ARMH3: variants seen among roughly 807,000 people sequenced by gnomAD.
ARMH3 encodes armadillo-like helical domain-containing protein 3.
In ARMH3, 60 loss-of-function variants were observed where a neutral mutation model predicts 99.1. That is an observed-to-expected ratio of 0.61 (90% CI 0.49 to 0.75). The LOEUF is 0.75. ARMH3 is among the 30% of genes least tolerant of loss of function. The probability of loss-of-function intolerance (pLI) is 0.00; values close to 1 mark genes in which losing one functional copy is unlikely to be tolerated. For synonymous variants in ARMH3, 285 were observed against 292.8 expected, an observed-to-expected ratio of 0.97 and a Z score of 0.27; for missense variants, 679 against 843.1, an observed-to-expected ratio of 0.81 and a Z score of 2.41.
chr10:101,870,190 T>C (rs1306381981), intron 24 of ARMH3, among the ~76,000 whole-genome samples: 4 of 152,230 alleles, frequency 2.6e-5, no homozygotes, highest in African/African-American at 9.6e-5. Flanking sequence ...GGCATCACTA[T>C]AAATCCTACA....
In ARMH3 at chr10:101,847,481, A is replaced by T. The variant is rs368830505; in HGVS notation, c.*47T>A. The T allele has an allele frequency of 2.5e-6, 4 of 1,579,436 alleles. No homozygotes were observed. In the South Asian group the frequency reaches 3.3e-5, roughly 13 times the overall value. On this transcript the variant is annotated 3_prime_UTR_variant, in exon 26 of 26. Coordinates refer to ENST00000370033, the MANE Select transcript of ARMH3 (RefSeq NM_024541.3). ...CCCCTCGCTCCCCCTCCAGCCCATG[A>T]TCCTCATGGGTAAGGGCAGTCAGAG...
chr10:101,853,624 C>T (rs568016574), intron 24 of ARMH3, among the ~76,000 whole-genome samples: 20 of 152,318 alleles, frequency 1.3e-4, no homozygotes, highest in African/African-American at 4.1e-4. Flanking sequence ...TCTACGCCCC[C>T]GCAAGCACAA....
intron 8 of ARMH3, among the ~76,000 whole-genome samples, chr10:102,015,866 G>A (rs2066737918): frequency 6.6e-6 from 1 of 152,194 alleles, no homozygotes. Flanking sequence ...GGGCACGGTG[G>A]CTCATGCCTG....
At chr10:102,014,978 A>G (rs1211600819) in intron 8 of ARMH3, among the ~76,000 whole-genome samples, 1 of 152,288 alleles carries the variant, frequency 6.6e-6, no homozygotes, top group Non-Finnish European at 1.5e-5. Flanking sequence ...TGAAAACCCA[A>G]CTGAAAGGCT....
At chr10:102,054,687 G>C (rs960255382) in intron 1 of ARMH3, among the ~76,000 whole-genome samples, 2 of 152,108 alleles carry the variant, frequency 1.3e-5, no homozygotes, top group African/African-American at 4.8e-5. Flanking sequence ...CAAAGAAAAA[G>C]CTCTCACTAA....
chr10:101,979,938 A>C (rs866888973), intron 19 of ARMH3, among the ~76,000 whole-genome samples: 3 of 152,222 alleles, frequency 2.0e-5, no homozygotes, highest in South Asian at 2.1e-4. Context: ...AAATGGCCTA[A>C]AATGCAATGT....
intron 22 of ARMH3, among the ~76,000 whole-genome samples, chr10:101,948,813 C>G (rs761187771): frequency 6.6e-6 from 1 of 151,702 alleles, no homozygotes; most frequent in Non-Finnish European, 1.5e-5. Flanking sequence ...TGGAATGGAC[C>G]ATTTACCAAG....
intron 14 of ARMH3, among the ~76,000 whole-genome samples, chr10:102,002,867 A>C (rs1229883831): frequency 1.3e-5 from 2 of 151,940 alleles, no homozygotes; most frequent in South Asian, 4.2e-4. Flanking sequence ...AAGCTGAGGC[A>C]GGAGAATTGC....
At chr10:101,909,850 C>T (rs1417250134) in intron 23 of ARMH3, among the ~76,000 whole-genome samples, 1 of 151,906 alleles carries the variant, frequency 6.6e-6, no homozygotes, top group Non-Finnish European at 1.5e-5. Flanking sequence ...ATTATGTACC[C>T]ACCAAAATTA....
chr10:101,952,620 G>A (rs1218539659), intron 22 of ARMH3: 1 of 152,144 alleles, frequency 6.6e-6, no homozygotes, highest in African/African-American at 2.4e-5. Flanking sequence ...ACTCATCAAT[G>A]GCAGTAGTAA....
At chr10:101,853,895 G>C (rs188027642) in intron 24 of ARMH3, among the ~76,000 whole-genome samples, 1 of 152,132 alleles carries the variant, frequency 6.6e-6, no homozygotes, top group South Asian at 2.1e-4. Context: ...CGGATGGATC[G>C]CGAGGTTAAG....
chr10:101,869,348 GA>G (rs1433765559), intron 24 of ARMH3, among the ~76,000 whole-genome samples: 11 of 152,114 alleles, frequency 7.2e-5, no homozygotes, highest in African/African-American at 2.2e-4. Flanking sequence ...CAACAAGATG[GA>G]CTGTACAATG....
rs552655251 is a variant in ARMH3 at position 101,980,421 on chromosome 10, C to T, written c.1407-5121G>A. Reference sequence around the variant, plus strand: ...TCAAGTGATTCTCATGCCTCAGCCTCCTAAGTAGCTCGGATTACAGATGCC... The same window carrying T: ...TCAAGTGATTCTCATGCCTCAGCCTTCTAAGTAGCTCGGATTACAGATGCC... On this transcript the variant is annotated intron_variant, in intron 19 of 25. Coordinates refer to ENST00000370033, the MANE Select transcript of ARMH3 (RefSeq NM_024541.3). Among the ~76,000 whole-genome samples, 37 of 152,250 alleles carry T rather than the reference C, an allele frequency of 2.4e-4. 1 individual carries two copies. In the South Asian group the frequency reaches 7.7e-3, roughly 32 times the overall value.
chr10:101,895,469 C>T (rs1056716350), intron 23 of ARMH3, among the ~76,000 whole-genome samples: 2 of 151,874 alleles, frequency 1.3e-5, no homozygotes, highest in Non-Finnish European at 2.9e-5. Flanking sequence ...TTAGTAGAGA[C>T]GGGGTTTCAC....
chr10:101,934,992 A>G (rs1367973916), intron 23 of ARMH3, among the ~76,000 whole-genome samples: 1 of 151,892 alleles, frequency 6.6e-6, no homozygotes, highest in Non-Finnish European at 1.5e-5. Context: ...GCAGCCCCCA[A>G]CTAAAAATCT....
chr10:101,956,574 A>G, intron 22 of ARMH3, 23 bp downstream of exon 22: 1 of 1,611,038 alleles, frequency 6.2e-7, no homozygotes. Context: ...TGGAGAGAGG[A>G]GTAAAAAGAA....
intron 25 of ARMH3, 46 bp downstream of exon 25, chr10:101,849,730 T>A (rs2066542823): frequency 6.5e-7 from 1 of 1,530,116 alleles, no homozygotes; most frequent in African/African-American, 1.4e-5. Context: ...ACCCAGTGGC[T>A]GGGGGCGGGC....
rs769542292 is a variant in ARMH3, at chr10:101,861,922, C to G, written c.1861-12030G>C. On this transcript the variant is annotated intron_variant, in intron 24 of 25. Transcript: ENST00000370033. ...AAAATTAGCCAGGCGTGGTGGTGGG[C>G]GCCTGTAGTCCCAGCACTCGGGAGG... is the stretch of plus-strand genomic sequence containing the variant. Among the ~76,000 whole-genome samples, 7 of 145,768 alleles carry G rather than the reference C, an allele frequency of 4.8e-5. No homozygotes were observed. In the Admixed American group the frequency reaches 4.8e-4, roughly 10 times the overall value.
At chr10:101,903,316 A>G (rs1248305421) in intron 23 of ARMH3, among the ~76,000 whole-genome samples, 1 of 152,234 alleles carries the variant, frequency 6.6e-6, no homozygotes, top group Non-Finnish European at 1.5e-5. Flanking sequence ...CAAACATATG[A>G]ATACCTATCA....
Sources: allele counts gnomAD v4.1 joint callset (sites outside exome capture counted in the v4.1 genomes callset), GRCh38; gene constraint gnomAD v4.1.1; transcripts MANE v1.5; gene names NCBI Gene and HGNC (gene_info 2026-07-23, HGNC 2026-07-21).